PARN: variants seen among roughly 807,000 people sequenced by gnomAD.
PARN encodes poly(A)-specific ribonuclease, also known as poly(A)-specific ribonuclease PARN.
A neutral mutation model predicts 102.8 loss-of-function variants in PARN; 71 were observed. The ratio of observed to expected loss-of-function variants is 0.69; its 90% CI spans 0.57 to 0.84. PARN has a LOEUF of 0.84. Ranked by LOEUF, PARN falls within the 40% of genes least tolerant of loss-of-function variation. The probability of loss-of-function intolerance (pLI) is 0.00; values close to 1 mark genes in which losing one functional copy is unlikely to be tolerated. For missense variants in PARN, 782 were observed against 760.9 expected (o/e 1.03, Z -0.33); for synonymous variants, 261 against 252.9 (o/e 1.03, Z -0.30).
intron 21 of PARN, among the ~76,000 whole-genome samples, chr16:14,532,973 G>A (rs1218532252): frequency 2.6e-5 from 4 of 152,160 alleles, no homozygotes; most frequent in African/African-American, 9.7e-5. Context: ...GGGCGGCCAG[G>A]CAGAGACGTT....
At chr16:14,501,143 G>A (rs1596524600) in intron 21 of PARN, among the ~76,000 whole-genome samples, 1 of 151,794 alleles carries the variant, frequency 6.6e-6, no homozygotes, top group East Asian at 1.9e-4. Flanking sequence ...ATATAAATGA[G>A]AAGAGAAAAG....
chr16:14,542,217 G>T (rs1966845696), intron 21 of PARN, among the ~76,000 whole-genome samples: 1 of 151,864 alleles, frequency 6.6e-6, no homozygotes, highest in Admixed American at 6.6e-5. Flanking sequence ...TGTTGCCCAG[G>T]CTGGTCTCAA....
At chr16:14,575,701 A>G (rs755345077) in intron 18 of PARN, among the ~76,000 whole-genome samples, 6 of 152,176 alleles carry the variant, frequency 3.9e-5, no homozygotes, top group Non-Finnish European at 7.4e-5. Flanking sequence ...TAATGCTGAA[A>G]TAAGACTTTG....
chr16:14,531,242 G>C (rs1966311423), intron 21 of PARN, among the ~76,000 whole-genome samples: 1 of 152,126 alleles, frequency 6.6e-6, no homozygotes, highest in Non-Finnish European at 1.5e-5. Context: ...CTACTCAGCA[G>C]GCTGAGGCAG....
intron 18 of PARN, among the ~76,000 whole-genome samples, chr16:14,572,572 T>G (rs545297194): frequency 6.6e-6 from 1 of 152,348 alleles, no homozygotes; most frequent in Non-Finnish European, 1.5e-5. Flanking sequence ...ACAGCTGTTA[T>G]GTATACCTAT....
intron 21 of PARN, among the ~76,000 whole-genome samples, chr16:14,535,053 C>T (rs527285640): frequency 2.0e-5 from 3 of 152,262 alleles, no homozygotes; most frequent in South Asian, 4.1e-4. Flanking sequence ...AGGCTGGTCT[C>T]GAACTCCCGA....
At chr16:14,466,290 T>G (rs1275400865) in intron 22 of PARN, among the ~76,000 whole-genome samples, 1 of 152,212 alleles carries the variant, frequency 6.6e-6, no homozygotes, top group Non-Finnish European at 1.5e-5. Context: ...ACTTTTTTTG[T>G]ACTATTTGGC....
chr16:14,613,882 G>T (rs1201948791), intron 6 of PARN, among the ~76,000 whole-genome samples: 2 of 152,160 alleles, frequency 1.3e-5, no homozygotes, highest in Admixed American at 1.3e-4. Flanking sequence ...AAAAGCAATG[G>T]AAGTCAACAG....
rs553038623 is a variant in PARN, at chr16:14,490,838, G to T, written c.1481-8011C>A. ...ATCAAGTTTAAATTTACAACAGATGGACAGCCTCTCCAATTTACCAGATAA... is the reference window on the plus strand; with the variant it reads ...ATCAAGTTTAAATTTACAACAGATGTACAGCCTCTCCAATTTACCAGATAA... On this transcript the variant is annotated intron_variant, in intron 21 of 23. Coordinates refer to ENST00000437198, the MANE Select transcript of PARN (RefSeq NM_002582.4). Among the ~76,000 whole-genome samples, 6 of 152,128 alleles carry T rather than the reference G, an allele frequency of 3.9e-5. No homozygotes were observed. In the East Asian group the frequency reaches 1.2e-3, roughly 29 times the overall value.
Position 14,436,756 on chromosome 16 carries a change from G to A in PARN, c.1881C>T (p.Asn627=), listed in dbSNP as rs777806186. 1.3e-6 allele frequency: 2 copies of A among 1,594,802 alleles called. No homozygotes were observed. Among genetic ancestry groups the A allele is most frequent in the East Asian group, 2.3e-5 (1 of 44,122 alleles). ...ELSPAGSISK[N]SPATLFEVPD... is the part of the protein sequence containing the mutation. Reference sequence around the variant, plus strand: ...GAACTTCAAAGAGTGTGGCAGGGCTGTTCTTCGAGATGCTTCCTGGTGGGA... The same window carrying A: ...GAACTTCAAAGAGTGTGGCAGGGCTATTCTTCGAGATGCTTCCTGGTGGGA... The change falls in exon 24 of 24, where the codon AAC becomes AAT. Residue 627 remains asparagine, a synonymous_variant. Transcript: ENST00000437198.
intron 6 of PARN, among the ~76,000 whole-genome samples, chr16:14,615,785 C>T (rs1453091231): frequency 2.0e-5 from 3 of 151,848 alleles, no homozygotes; most frequent in African/African-American, 7.3e-5. Flanking sequence ...CCTGTGGTCT[C>T]AGCTACTCGG....
chr16:14,506,711 C>A (rs1017047870), intron 21 of PARN, among the ~76,000 whole-genome samples: 1 of 152,168 alleles, frequency 6.6e-6, no homozygotes, highest in African/African-American at 2.4e-5. Flanking sequence ...AAAAGTGAAG[C>A]TGAATGCAGT....
chr16:14,500,473 C>G (rs1042015238), intron 21 of PARN, among the ~76,000 whole-genome samples: 1 of 151,976 alleles, frequency 6.6e-6, no homozygotes, highest in African/African-American at 2.4e-5. Context: ...CAGGTGTGAC[C>G]ATAGCTCACT....
At chr16:14,442,275 G>A (rs1960973716) in intron 23 of PARN, among the ~76,000 whole-genome samples, 1 of 152,158 alleles carries the variant, frequency 6.6e-6, no homozygotes, top group Non-Finnish European at 1.5e-5. Flanking sequence ...GAACAAGTAT[G>A]TGACAGAAAT....
chr16:14,573,235 CAT>C (rs1243186181), intron 18 of PARN, among the ~76,000 whole-genome samples: 1 of 152,064 alleles, frequency 6.6e-6, no homozygotes, highest in Non-Finnish European at 1.5e-5. Context: ...ATATGTACAA[CAT>C]GTTTTGAAAT....
intron 21 of PARN, among the ~76,000 whole-genome samples, chr16:14,493,521 A>G (rs1964159389): frequency 6.6e-6 from 1 of 152,192 alleles, no homozygotes; most frequent in Non-Finnish European, 1.5e-5. Context: ...CAGCCATCTC[A>G]TTCAATAAAC....
chr16:14,545,841 G>A (rs771250834), intron 21 of PARN, among the ~76,000 whole-genome samples: 5 of 152,028 alleles, frequency 3.3e-5, no homozygotes, highest in Non-Finnish European at 7.4e-5. Flanking sequence ...CCTCGAGGAC[G>A]CCAGGCTTAA....
chr16:14,629,029 C>G (rs1246966630), intron 2 of PARN, among the ~76,000 whole-genome samples: 2 of 152,140 alleles, frequency 1.3e-5, no homozygotes. Context: ...TGACCCTAGC[C>G]GGTCACAAAA....
chr16:14,540,977 C>T (rs975171447), intron 21 of PARN, among the ~76,000 whole-genome samples: 1 of 151,774 alleles, frequency 6.6e-6, no homozygotes, highest in African/African-American at 2.4e-5. Flanking sequence ...AAATAGATGC[C>T]ATAAGGGTTA....
Sources: gnomAD v4.1 joint callset for allele counts (sites outside exome capture counted in the v4.1 genomes callset) on GRCh38, gnomAD v4.1.1 for gene constraint, MANE v1.5 for transcripts, NCBI Gene and HGNC (gene_info 2026-07-23, HGNC 2026-07-21) for gene names.